CNTN5: variants seen among roughly 807,000 people sequenced by gnomAD.
The protein encoded by CNTN5 is contactin-5.
A neutral mutation model predicts 129.1 loss-of-function variants in CNTN5; 77 were observed. The ratio of observed to expected loss-of-function variants is 0.60; its 90% CI spans 0.50 to 0.72. The LOEUF (loss-of-function observed/expected upper bound fraction) is 0.72. Ranked by LOEUF, CNTN5 falls within the 30% of genes least tolerant of loss-of-function variation. CNTN5 has a pLI of 0.00. For missense variants in CNTN5, 1,478 were observed against 1,328.8 expected (o/e 1.11, Z -1.75); for synonymous variants, 509 against 465.6 (o/e 1.09, Z -1.20).
At chr11:100,085,964 G>C (rs988310387) in intron 13 of CNTN5, among the ~76,000 whole-genome samples, 3 of 152,040 alleles carry the variant, frequency 2.0e-5, no homozygotes, top group Non-Finnish European at 4.4e-5. Context: ...TTTAGGAAGA[G>C]ACTTCAGAAT....
Position 99,921,514 on chromosome 11 carries a change from G to A in CNTN5, c.673+5365G>A, listed in dbSNP as rs142448390. On this transcript the variant is annotated intron_variant, in intron 7 of 24. Transcript: ENST00000524871. ...TCTTTTGATTTCTACTCCACAATTC[G>A]TTTCTCCATCTTTGCTTTATTTTTC... Among the ~76,000 whole-genome samples the A allele has an allele frequency of 7.2e-5, 11 of 152,046 alleles. No homozygotes were observed. The South Asian group carries it at 8.3e-4, about 11-fold the overall frequency.
chr11:99,071,444 CA>C (rs1344962078), intron 1 of CNTN5, among the ~76,000 whole-genome samples: 2 of 151,736 alleles, frequency 1.3e-5, no homozygotes, highest in East Asian at 1.9e-4. Flanking sequence ...AAAAACAAAA[CA>C]AAAAAATTGC....
At chr11:99,667,063 A>T (rs1371785395) in intron 3 of CNTN5, among the ~76,000 whole-genome samples, 2 of 151,988 alleles carry the variant, frequency 1.3e-5, no homozygotes, top group Non-Finnish European at 2.9e-5. Context: ...TGCTATTAGG[A>T]TGTGACACAT....
intron 1 of CNTN5, among the ~76,000 whole-genome samples, chr11:99,089,413 A>G (rs1025534065): frequency 2.6e-5 from 4 of 152,184 alleles, no homozygotes; most frequent in Non-Finnish European, 5.9e-5. Context: ...TAACGCTTTA[A>G]TCCTATAAGA....
intron 21 of CNTN5, among the ~76,000 whole-genome samples, chr11:100,320,228 A>G (rs1347692149): frequency 6.6e-6 from 1 of 152,102 alleles, no homozygotes; most frequent in Non-Finnish European, 1.5e-5. Context: ...CTTTTTGATA[A>G]AAGTTATTCT....
chr11:100,025,263 C>A (rs1180874653), intron 9 of CNTN5, among the ~76,000 whole-genome samples: 1 of 152,224 alleles, frequency 6.6e-6, no homozygotes, highest in Non-Finnish European at 1.5e-5. Context: ...GTGGCTTACA[C>A]ATGGTTTTGG....
chr11:99,964,405 A>G (rs1388433090), intron 8 of CNTN5, among the ~76,000 whole-genome samples: 1 of 152,120 alleles, frequency 6.6e-6, no homozygotes, highest in Non-Finnish European at 1.5e-5. Context: ...TTCTGCATCT[A>G]TTGTGATAAT....
intron 4 of CNTN5, among the ~76,000 whole-genome samples, chr11:99,836,656 C>T (rs1168714086): frequency 6.6e-6 from 1 of 151,908 alleles, no homozygotes; most frequent in South Asian, 2.1e-4. Flanking sequence ...GGGTATATAC[C>T]CAGTAATGGG....
intron 3 of CNTN5, among the ~76,000 whole-genome samples, chr11:99,734,706 A>ATT (rs57330066): frequency 0.13 from 19,688 of 146,890 alleles, 1,520 homozygotes; most frequent in African/African-American, 0.21. Context: ...TATTACACTG[A>ATT]TTTTTTTTTT....
At chr11:99,474,189 T>C (rs1208670587) in intron 2 of CNTN5, among the ~76,000 whole-genome samples, 1 of 149,924 alleles carries the variant, frequency 6.7e-6, no homozygotes, top group African/African-American at 2.4e-5. Flanking sequence ...TACTGTATTG[T>C]AATAAGAAGT....
At chr11:100,141,596 G>A (rs1390577044) in intron 13 of CNTN5, among the ~76,000 whole-genome samples, 2 of 152,074 alleles carry the variant, frequency 1.3e-5, no homozygotes, top group Non-Finnish European at 2.9e-5. Context: ...AAAACATCTT[G>A]AAAACCTAGG....
intron 6 of CNTN5, among the ~76,000 whole-genome samples, chr11:99,914,811 G>A (rs937192103): frequency 6.6e-6 from 1 of 152,026 alleles, no homozygotes; most frequent in Non-Finnish European, 1.5e-5. Flanking sequence ...TGTTTAAGAA[G>A]ATTTGGTTAT....
chr11:99,094,664 C>T lies in CNTN5; in HGVS notation c.-210+73394C>T, dbSNP rs528242034. 1.8e-4 allele frequency among the ~76,000 whole-genome samples: 28 copies of T among 151,954 alleles called. 1 individual carries two copies. In the South Asian group the frequency reaches 3.7e-3, roughly 20 times the overall value. Reference sequence around the variant, plus strand: ...ATAGTGACAGTGTTATTAATGGCCACGGAAGGAGTAGCTGTTTGTGTCAAA... The same window carrying T: ...ATAGTGACAGTGTTATTAATGGCCATGGAAGGAGTAGCTGTTTGTGTCAAA... On this transcript the variant is annotated intron_variant, in intron 1 of 24. Transcript: ENST00000524871.
intron 8 of CNTN5, among the ~76,000 whole-genome samples, chr11:99,973,011 T>A (rs940139676): frequency 1.3e-5 from 2 of 152,132 alleles, no homozygotes; most frequent in Non-Finnish European, 2.9e-5. Flanking sequence ...TATTTCTTTA[T>A]ATTTTGAAAT....
intron 2 of CNTN5, among the ~76,000 whole-genome samples, chr11:99,440,283 A>C (rs1943774668): frequency 6.6e-6 from 1 of 152,130 alleles, no homozygotes; most frequent in African/African-American, 2.4e-5. Flanking sequence ...TTTTCTTATT[A>C]AGTTAATGAC....
intron 13 of CNTN5, among the ~76,000 whole-genome samples, chr11:100,076,435 A>T (rs931335675): frequency 6.6e-6 from 1 of 152,134 alleles, no homozygotes; most frequent in African/African-American, 2.4e-5. Flanking sequence ...TGAGAGAAGT[A>T]ACAGGATTAT....
chr11:100,337,330 T>A lies in CNTN5; in HGVS notation c.2731-3133T>A, dbSNP rs559035570. ...ATATGAATGAGTTCACCATACATAT[T>A]CTGGAAGTGATCGATGCACACATGA... On this transcript the variant is annotated intron_variant, in intron 21 of 24. Coordinates refer to ENST00000524871, the MANE Select transcript of CNTN5 (RefSeq NM_014361.4). 3.8e-3 allele frequency: 3,462 copies of A among 904,320 alleles called. 31 individuals carry two copies. Among genetic ancestry groups the A allele is most frequent in the Non-Finnish European group, 4.2e-3 (2,248 of 536,644 alleles). 56.0% of individuals were successfully genotyped at this position (904,320 alleles called of 1,614,324 possible). A position where few individuals can be genotyped will look rare whatever the true frequency, so the allele number is the denominator to read the frequency against.
chr11:99,687,085 C>A (rs926285295), intron 3 of CNTN5, among the ~76,000 whole-genome samples: 1 of 152,076 alleles, frequency 6.6e-6, no homozygotes, highest in African/African-American at 2.4e-5. Context: ...GCTCTAGAAT[C>A]CTCATAGTTA....
At position 99,770,168 on chromosome 11, in the gene CNTN5, A is replaced by T. The variant is rs570144491; in HGVS notation, c.56-49376A>T. ...TGTGTGATAATGCTAAAAAAGTCAC[A>T]TTGAGTTAGTTTAATTTGCTTATAT... On this transcript the variant is annotated intron_variant, in intron 3 of 24. Coordinates refer to ENST00000524871, the MANE Select transcript of CNTN5 (RefSeq NM_014361.4). 5.3e-5 allele frequency among the ~76,000 whole-genome samples: 8 copies of T among 152,224 alleles called. No individual in the cohort carries two copies. The East Asian group carries it at 1.4e-3, about 26-fold the overall frequency.
Sources: allele counts gnomAD v4.1 joint callset (sites outside exome capture counted in the v4.1 genomes callset), GRCh38; gene constraint gnomAD v4.1.1; transcripts MANE v1.5; gene names NCBI Gene and HGNC (gene_info 2026-07-23, HGNC 2026-07-21).